Variants in THSD7B observed in about 807,000 individuals in gnomAD.
The protein encoded by THSD7B is thrombospondin type 1 domain containing 7B, also known as thrombospondin type-1 domain-containing protein 7B.
THSD7B carries 138 observed loss-of-function variants against 213.6 expected under a neutral mutation model. That is an observed-to-expected ratio of 0.65 (90% CI 0.56 to 0.74). THSD7B has a LOEUF of 0.74. Ranked by LOEUF, THSD7B falls within the 30% of genes least tolerant of loss-of-function variation. The pLI, the probability that THSD7B is intolerant of heterozygous loss-of-function variation, is 0.00. For missense variants in THSD7B, 1,931 were observed against 1,991.5 expected, an observed-to-expected ratio of 0.97 and a Z score of 0.58; for synonymous variants, 742 against 687.0, an observed-to-expected ratio of 1.08 and a Z score of -1.25.
intron 10 of THSD7B, among the ~76,000 whole-genome samples, chr2:137,266,230 A>G (rs1682587136): frequency 6.6e-6 from 1 of 152,240 alleles, no homozygotes; most frequent in African/African-American, 2.4e-5. Flanking sequence ...TAATCCTCCT[A>G]GCAGTTATAA....
chr2:137,200,380 T>TC (rs1680850550), intron 7 of THSD7B, among the ~76,000 whole-genome samples: 1 of 152,172 alleles, frequency 6.6e-6, no homozygotes, highest in Non-Finnish European at 1.5e-5. Context: ...ACTTTACTGT[T>TC]CAACCTTGTT....
intron 2 of THSD7B, among the ~76,000 whole-genome samples, chr2:137,048,029 G>A (rs565553819): frequency 6.6e-6 from 1 of 152,096 alleles, no homozygotes; most frequent in East Asian, 1.9e-4. Flanking sequence ...ATCTACATTA[G>A]GTATTTCTCC....
intron 2 of THSD7B, among the ~76,000 whole-genome samples, chr2:137,019,941 T>C (rs1275452303): frequency 6.6e-6 from 1 of 152,206 alleles, no homozygotes; most frequent in African/African-American, 2.4e-5. Flanking sequence ...ACTCAGTAGC[T>C]CTGATCCTCT....
At chr2:137,012,681 A>G (rs1267732288) in intron 2 of THSD7B, among the ~76,000 whole-genome samples, 2 of 152,198 alleles carry the variant, frequency 1.3e-5, no homozygotes, top group Non-Finnish European at 2.9e-5. Context: ...GACATTTGAG[A>G]AGTGTAGGAC....
chr2:137,053,984 T>G (rs1257422712), intron 2 of THSD7B, among the ~76,000 whole-genome samples: 1 of 152,178 alleles, frequency 6.6e-6, no homozygotes, highest in African/African-American at 2.4e-5. Context: ...ATATGAATGG[T>G]CTGACATGAT....
At chr2:136,808,329 C>G (rs932282668) in intron 1 of THSD7B, among the ~76,000 whole-genome samples, 2 of 152,202 alleles carry the variant, frequency 1.3e-5, no homozygotes, top group African/African-American at 2.4e-5. Context: ...TTATGTCATA[C>G]ATTTGTAATT....
chr2:136,790,213 C>T (rs944812394), intron 1 of THSD7B, among the ~76,000 whole-genome samples: 2 of 151,620 alleles, frequency 1.3e-5, no homozygotes, highest in African/African-American at 2.4e-5. Flanking sequence ...AAACTTGATT[C>T]GCCTTCACCA....
chr2:137,329,424 G>A (rs1477395261), intron 12 of THSD7B, among the ~76,000 whole-genome samples: 1 of 152,112 alleles, frequency 6.6e-6, no homozygotes, highest in Non-Finnish European at 1.5e-5. Flanking sequence ...GGAGTGAGGT[G>A]GCATGATCTC....
intron 7 of THSD7B, among the ~76,000 whole-genome samples, chr2:137,193,062 T>C (rs1367133814): frequency 6.6e-6 from 1 of 152,110 alleles, no homozygotes; most frequent in Non-Finnish European, 1.5e-5. Context: ...TCAGCATGTA[T>C]TGAGAAATGT....
chr2:137,194,292 A>AAAAGAAAGGGCAGGG (rs1680717723), intron 7 of THSD7B, among the ~76,000 whole-genome samples: 1 of 152,174 alleles, frequency 6.6e-6, no homozygotes, highest in Non-Finnish European at 1.5e-5. Flanking sequence ...AAAGGGCAGG[A>AAAAGAAAGGGCAGGG]GAACTTAGCA....
At chr2:137,117,207 G>A (rs938175530) in intron 5 of THSD7B, among the ~76,000 whole-genome samples, 2 of 152,138 alleles carry the variant, frequency 1.3e-5, no homozygotes, top group African/African-American at 4.8e-5. Flanking sequence ...GGGGTTGTTC[G>A]CCCATTACTT....
intron 5 of THSD7B, among the ~76,000 whole-genome samples, chr2:137,158,528 G>T (rs75122855): frequency 6.6e-6 from 1 of 152,102 alleles, no homozygotes; most frequent in African/African-American, 2.4e-5. Context: ...TGGTAAACTG[G>T]AAAAGAATTA....
At chr2:137,603,612 TAC>T (rs1391077942) in intron 17 of THSD7B, among the ~76,000 whole-genome samples, 11 of 152,344 alleles carry the variant, frequency 7.2e-5, no homozygotes, top group Admixed American at 6.5e-4. Flanking sequence ...GCACTTGAAG[TAC>T]TTGACATCCA....
intron 10 of THSD7B, among the ~76,000 whole-genome samples, chr2:137,255,799 C>A (rs547757631): frequency 6.6e-6 from 1 of 152,248 alleles, no homozygotes; most frequent in East Asian, 1.9e-4. Context: ...GCCTCAAACT[C>A]CTGGGCTTAA....
rs73958364 is a variant in THSD7B at position 137,122,948 on chromosome 2, C to A, written c.1369+7655C>A. On this transcript the variant is annotated intron_variant, in intron 5 of 27. Coordinates refer to ENST00000409968, the MANE Select transcript of THSD7B (RefSeq NM_001316349.2). ...TTGTTTATGCATACTGGTCACCTTGCTGCTATGCAAGTCTGAGATCAGGTA... is the reference window on the plus strand; with the variant it reads ...TTGTTTATGCATACTGGTCACCTTGATGCTATGCAAGTCTGAGATCAGGTA... Among the ~76,000 whole-genome samples the A allele has an allele frequency of 4.2e-3, 639 of 152,240 alleles. 3 individuals are homozygous for A. The highest frequency in any genetic ancestry group is 0.015 in the African/African-American group (613 of 41,528).
intron 2 of THSD7B, among the ~76,000 whole-genome samples, chr2:136,883,445 T>A (rs1004781): frequency 1.3e-5 from 2 of 151,922 alleles, no homozygotes; most frequent in East Asian, 3.9e-4. Flanking sequence ...ACTTCATTAC[T>A]GATTTGCATT....
At chr2:137,313,786 G>A (rs1573954636) in intron 12 of THSD7B, among the ~76,000 whole-genome samples, 1 of 152,128 alleles carries the variant, frequency 6.6e-6, no homozygotes, top group African/African-American at 2.4e-5. Flanking sequence ...GGCTGTATAT[G>A]AAATTCTGGG....
chr2:137,407,651 G>A (rs1301080284), intron 13 of THSD7B, among the ~76,000 whole-genome samples: 1 of 151,936 alleles, frequency 6.6e-6, no homozygotes, highest in Non-Finnish European at 1.5e-5. Context: ...AAACTCCAAA[G>A]CCATGTGATT....
Position 137,642,533 on chromosome 2 carries a change from A to C in THSD7B, c.3845A>C (p.Glu1282Ala), listed in dbSNP as rs199788979. ...TTTATCATTATGCCAACCCAAGGAG[A>C]AGGACGGCCATGCCCCACAGAGCTT... is the stretch of plus-strand genomic sequence containing the variant. ...TRFIIMPTQG[E>A]GRPCPTELTQ... The change falls in exon 21 of 28, where the codon GAA becomes GCA. Residue 1282 changes from glutamate (E) to alanine (A), a missense_variant. Glu to Ala is a moderately radical substitution (Grantham distance 107). Transcript: ENST00000409968. 73 of 1,613,684 alleles carry C rather than the reference A, an allele frequency of 4.5e-5. 1 individual carries two copies. The highest frequency in any genetic ancestry group is 5.3e-5 in the Non-Finnish European group (62 of 1,179,842).
Sources: gnomAD v4.1 joint callset for allele counts (sites outside exome capture counted in the v4.1 genomes callset) on GRCh38, gnomAD v4.1.1 for gene constraint, MANE v1.5 for transcripts, NCBI Gene and HGNC (gene_info 2026-07-23, HGNC 2026-07-21) for gene names.